DNAJC1: variants seen among roughly 807,000 people sequenced by gnomAD.
DNAJC1 encodes the protein dnaJ homolog subfamily C member 1.
Under a neutral mutation model 76.6 loss-of-function variants are expected in DNAJC1, and 58 were observed. The observed-to-expected ratio is 0.76, with a 90% CI of 0.61 to 0.94. The LOEUF is 0.94. DNAJC1 is among the 40% of genes least tolerant of loss of function. The pLI, the probability that DNAJC1 is intolerant of heterozygous loss-of-function variation, is 0.00. For missense variants in DNAJC1, 689 were observed against 677.3 expected, an observed-to-expected ratio of 1.02 and a Z score of -0.19; for synonymous variants, 258 against 267.9, an observed-to-expected ratio of 0.96 and a Z score of 0.36.
At chr10:21,910,108 A>G (rs1295923238) in intron 6 of DNAJC1, among the ~76,000 whole-genome samples, 1 of 149,830 alleles carries the variant, frequency 6.7e-6, no homozygotes, top group Non-Finnish European at 1.5e-5. Context: ...ATATCCTTAC[A>G]TTAAACCTTT....
In DNAJC1 at chr10:21,970,142, GA is replaced by G. The variant is rs769544475; in HGVS notation, c.222+33070del. 2.6e-5 allele frequency among the ~76,000 whole-genome samples: 4 copies of G among 152,026 alleles called. No homozygotes were observed. The East Asian group carries it at 7.7e-4, about 29-fold the overall frequency. ...TGGTGTTTCTAAGTTTTCTTGACTG[GA>G]AAAAATTATTACAAACACAAAGTTA... On this transcript the variant is annotated intron_variant, in intron 1 of 11. Coordinates refer to ENST00000376980, the MANE Select transcript of DNAJC1 (RefSeq NM_022365.4).
At chr10:21,834,486 T>C (rs942679184) in intron 8 of DNAJC1, among the ~76,000 whole-genome samples, 2 of 152,064 alleles carry the variant, frequency 1.3e-5, no homozygotes, top group Non-Finnish European at 2.9e-5. Context: ...GGACAGTAGG[T>C]GCAGCGCACC....
chr10:21,799,488 G>A (rs1834788416), intron 9 of DNAJC1, among the ~76,000 whole-genome samples: 1 of 152,044 alleles, frequency 6.6e-6, no homozygotes, highest in Admixed American at 6.6e-5. Context: ...TTCTTGTAAA[G>A]ATGAAGGTTT....
chr10:21,929,217 T>A (rs374578109), intron 1 of DNAJC1, 76 bp from the exon 2 acceptor site: 4 of 1,050,808 alleles, frequency 3.8e-6, no homozygotes, highest in East Asian at 5.1e-5. Context: ...CTTGTTAAGA[T>A]CTGAGAAGAC....
intron 9 of DNAJC1, among the ~76,000 whole-genome samples, chr10:21,767,665 A>G (rs147380277): frequency 0.012 from 1,902 of 152,318 alleles, 28 homozygotes; most frequent in African/African-American, 0.043. Context: ...AGTTTTGACC[A>G]AAAATCTCTG....
intron 1 of DNAJC1, among the ~76,000 whole-genome samples, chr10:21,957,021 A>C (rs1288767289): frequency 6.6e-6 from 1 of 151,352 alleles, no homozygotes; most frequent in Non-Finnish European, 1.5e-5. Context: ...CCCCCCAAGG[A>C]ACTGGGATTA....
intron 1 of DNAJC1, among the ~76,000 whole-genome samples, chr10:21,953,142 T>C (rs890363521): frequency 8.5e-5 from 13 of 152,112 alleles, no homozygotes; most frequent in African/African-American, 2.9e-4. Context: ...TTTAAAAAAT[T>C]ATTTTACATT....
chr10:21,838,503 T>A (rs1835511580), intron 8 of DNAJC1, among the ~76,000 whole-genome samples: 1 of 152,168 alleles, frequency 6.6e-6, no homozygotes, highest in Non-Finnish European at 1.5e-5. Context: ...TGCAGGGTCC[T>A]CTGCCTAGGA....
At chr10:21,900,679 C>T (rs538555189) in intron 7 of DNAJC1, among the ~76,000 whole-genome samples, 1 of 152,232 alleles carries the variant, frequency 6.6e-6, no homozygotes, top group Admixed American at 6.5e-5. Flanking sequence ...GGAACAAGGG[C>T]TCCTATTAGA....
chr10:21,768,387 T>C (rs1021441891), intron 9 of DNAJC1, among the ~76,000 whole-genome samples: 1 of 152,202 alleles, frequency 6.6e-6, no homozygotes, highest in African/African-American at 2.4e-5. Context: ...GATCTGCTCT[T>C]CAGTCTTGGT....
intron 8 of DNAJC1, among the ~76,000 whole-genome samples, chr10:21,864,678 C>T (rs747622753): frequency 2.6e-5 from 4 of 151,690 alleles, no homozygotes; most frequent in Admixed American, 6.6e-5. Context: ...AAAATCTTAG[C>T]GACTTTGAGT....
chr10:21,881,881 A>G (rs376517677), intron 8 of DNAJC1, among the ~76,000 whole-genome samples: 21 of 146,264 alleles, frequency 1.4e-4, no homozygotes, highest in East Asian at 8.3e-4. Flanking sequence ...CCGGCCAGGC[A>G]CGGTGGCTCA....
intron 8 of DNAJC1, among the ~76,000 whole-genome samples, chr10:21,840,262 C>T (rs1375610348): frequency 6.6e-6 from 1 of 152,112 alleles, no homozygotes; most frequent in African/African-American, 2.4e-5. Flanking sequence ...GGCAATCAGG[C>T]AGGAGAAGGA....
intron 8 of DNAJC1, among the ~76,000 whole-genome samples, chr10:21,818,577 T>C (rs539206501): frequency 6.6e-6 from 1 of 152,284 alleles, no homozygotes; most frequent in East Asian, 1.9e-4. Flanking sequence ...TTTTGCAGCT[T>C]GTGGGGCATC....
chr10:21,985,919 C>A (rs962308405), intron 1 of DNAJC1, among the ~76,000 whole-genome samples: 23 of 152,120 alleles, frequency 1.5e-4, no homozygotes, highest in Middle Eastern at 6.8e-3. Context: ...TTAAGTTTAA[C>A]TTTTTTATTA....
At chr10:21,789,745 C>T (rs1051102476) in intron 9 of DNAJC1, among the ~76,000 whole-genome samples, 2 of 152,130 alleles carry the variant, frequency 1.3e-5, no homozygotes, top group African/African-American at 4.8e-5. Flanking sequence ...TGCAGTGGCT[C>T]ACGCCTATAA....
intron 8 of DNAJC1, among the ~76,000 whole-genome samples, chr10:21,837,403 G>A (rs533782458): frequency 9.1e-4 from 136 of 149,406 alleles, no homozygotes; most frequent in African/African-American, 3.0e-3. Context: ...CCCTCTGTCC[G>A]GCTGCCCAGT....
chr10:21,764,477 T>A (rs1370389808), intron 10 of DNAJC1, among the ~76,000 whole-genome samples: 1 of 152,204 alleles, frequency 6.6e-6, no homozygotes, highest in African/African-American at 2.4e-5. Flanking sequence ...AATACCTCCA[T>A]CTGGGTGTGT....
intron 9 of DNAJC1, among the ~76,000 whole-genome samples, chr10:21,775,331 C>CTTTTTTT (rs34444920): frequency 2.0e-5 from 1 of 49,666 alleles, no homozygotes; most frequent in African/African-American, 7.1e-5. Context: ...CTGCAAATGG[C>CTTTTTTT]TTTTTTTTTT....
Sources: allele counts gnomAD v4.1 joint callset (sites outside exome capture counted in the v4.1 genomes callset), GRCh38; gene constraint gnomAD v4.1.1; transcripts MANE v1.5; gene names NCBI Gene and HGNC (gene_info 2026-07-23, HGNC 2026-07-21).